Variants in NTNG1 observed in about 807,000 individuals in gnomAD.
The protein encoded by NTNG1 is netrin G1.
Under a neutral mutation model 54.0 loss-of-function variants are expected in NTNG1, and 16 were observed. That is an observed-to-expected ratio of 0.30 (90% CI 0.20 to 0.45). NTNG1 has a LOEUF of 0.45. NTNG1 is among the 20% of genes least tolerant of loss of function. The probability of loss-of-function intolerance (pLI) is 1.00; values close to 1 mark genes in which losing one functional copy is unlikely to be tolerated. For missense variants in NTNG1, 530 were observed against 678.7 expected, an observed-to-expected ratio of 0.78 and a Z score of 2.43; for synonymous variants, 255 against 263.1, an observed-to-expected ratio of 0.97 and a Z score of 0.30.
Position 107,150,970 on chromosome 1 carries a change from T to C in NTNG1, c.246+2131T>C, listed in dbSNP as rs540070165. 5.9e-5 allele frequency among the ~76,000 whole-genome samples: 9 copies of C among 152,314 alleles called. No homozygotes were observed. The East Asian group carries it at 1.7e-3, about 29-fold the overall frequency. ...AATGTGTATACTATGTATGTTCACA[T>C]GAAACTCCGTAGGACAGTCTTTAAA... On this transcript the variant is annotated intron_variant, in intron 2 of 7. Coordinates refer to ENST00000370068, the MANE Select transcript of NTNG1 (RefSeq NM_001113226.3).
chr1:107,422,701 C>T (rs1674652311), intron 5 of NTNG1, among the ~76,000 whole-genome samples: 1 of 152,050 alleles, frequency 6.6e-6, no homozygotes, highest in Admixed American at 6.6e-5. Context: ...TCTTAGAGTT[C>T]CAACTCCTTC....
chr1:107,310,985 C>T (rs17018746), intron 2 of NTNG1, among the ~76,000 whole-genome samples: 7 of 152,050 alleles, frequency 4.6e-5, no homozygotes, highest in South Asian at 2.1e-4. Flanking sequence ...GAATCAACCT[C>T]GGAACTCAGG....
chr1:107,248,470 G>C (rs912753272), intron 2 of NTNG1, among the ~76,000 whole-genome samples: 1 of 152,178 alleles, frequency 6.6e-6, no homozygotes, highest in African/African-American at 2.4e-5. Flanking sequence ...ACAGACATGA[G>C]AGGTAACAAG....
chr1:107,287,401 C>T (rs532629577), intron 2 of NTNG1, among the ~76,000 whole-genome samples: 6 of 152,226 alleles, frequency 3.9e-5, no homozygotes, highest in African/African-American at 1.4e-4. Flanking sequence ...TTTTTTGGAG[C>T]GTTAGCCTTC....
intron 2 of NTNG1, among the ~76,000 whole-genome samples, chr1:107,215,970 G>A (rs919527694): frequency 6.6e-6 from 1 of 152,000 alleles, no homozygotes; most frequent in African/African-American, 2.4e-5. Flanking sequence ...TGTATAGCAC[G>A]GCTACTGATT....
chr1:107,334,247 A>G (rs1204484072), intron 3 of NTNG1, among the ~76,000 whole-genome samples: 5 of 152,160 alleles, frequency 3.3e-5, no homozygotes, highest in African/African-American at 1.2e-4. Flanking sequence ...AGGACTGTTA[A>G]TGAATAACAA....
chr1:107,309,971 G>C (rs1666907602), intron 2 of NTNG1, among the ~76,000 whole-genome samples: 1 of 152,112 alleles, frequency 6.6e-6, no homozygotes, highest in Admixed American at 6.6e-5. Context: ...TTGGACCTTA[G>C]TTTATTCATA....
chr1:107,159,473 T>C (rs1655253683), intron 2 of NTNG1, among the ~76,000 whole-genome samples: 1 of 152,184 alleles, frequency 6.6e-6, no homozygotes, highest in Non-Finnish European at 1.5e-5. Context: ...TGCACTGTAC[T>C]GAAAGCTTGG....
At chr1:107,193,228 C>G (rs1044842883) in intron 2 of NTNG1, among the ~76,000 whole-genome samples, 2 of 151,978 alleles carry the variant, frequency 1.3e-5, no homozygotes. Context: ...TCTCAATACT[C>G]TCATATTTTT....
chr1:107,325,135 A>C (rs1667878535), intron 3 of NTNG1, among the ~76,000 whole-genome samples: 1 of 152,152 alleles, frequency 6.6e-6, no homozygotes, highest in South Asian at 2.1e-4. Context: ...ACCTGGCATG[A>C]TTCTTCAGAA....
At chr1:107,353,784 T>C (rs1669773118) in intron 3 of NTNG1, among the ~76,000 whole-genome samples, 1 of 152,150 alleles carries the variant, frequency 6.6e-6, no homozygotes, top group Non-Finnish European at 1.5e-5. Context: ...CTGGCTTATG[T>C]TTCCACAGGC....
chr1:107,480,345 CT>C (rs1409140218), intron 7 of NTNG1, among the ~76,000 whole-genome samples: 3 of 152,104 alleles, frequency 2.0e-5, no homozygotes, highest in African/African-American at 7.2e-5. Flanking sequence ...ACTTTGTATT[CT>C]ATAGCCTGAA....
intron 2 of NTNG1, among the ~76,000 whole-genome samples, chr1:107,290,217 G>T (rs1279188306): frequency 6.6e-6 from 1 of 152,050 alleles, no homozygotes; most frequent in Non-Finnish European, 1.5e-5. Flanking sequence ...ACCACTTAAG[G>T]GTATACATAC....
chr1:107,290,979 A>AT (rs1232079997), intron 2 of NTNG1, among the ~76,000 whole-genome samples: 345 of 146,118 alleles, frequency 2.4e-3, no homozygotes, highest in African/African-American at 8.6e-3. Flanking sequence ...ATATATATAT[A>AT]TATATACACA....
At chr1:107,294,886 A>G (rs746649651) in intron 2 of NTNG1, among the ~76,000 whole-genome samples, 15 of 152,182 alleles carry the variant, frequency 9.9e-5, no homozygotes, top group Middle Eastern at 3.2e-3. Context: ...AGGGTGTTGC[A>G]ACATATAAAA....
chr1:107,463,372 T>G (rs1042051117), intron 7 of NTNG1, among the ~76,000 whole-genome samples: 2 of 152,256 alleles, frequency 1.3e-5, no homozygotes, highest in Non-Finnish European at 2.9e-5. Context: ...GTTAACATTG[T>G]AAACTCAATC....
At chr1:107,150,208 C>T (rs554093603) in intron 2 of NTNG1, among the ~76,000 whole-genome samples, 2 of 152,154 alleles carry the variant, frequency 1.3e-5, no homozygotes, top group South Asian at 2.1e-4. Flanking sequence ...AGAGAGGACC[C>T]GTCTCTATGG....
intron 7 of NTNG1, among the ~76,000 whole-genome samples, chr1:107,470,751 C>G (rs1677928057): frequency 6.6e-6 from 1 of 152,210 alleles, no homozygotes; most frequent in South Asian, 2.1e-4. Flanking sequence ...TGTGACTTCT[C>G]AGCACCATTT....
At chr1:107,302,081 T>C (rs1377420691) in intron 2 of NTNG1, among the ~76,000 whole-genome samples, 1 of 152,172 alleles carries the variant, frequency 6.6e-6, no homozygotes, top group Non-Finnish European at 1.5e-5. Flanking sequence ...TTTCCCTTAT[T>C]TCCTAGGACC....
Sources: allele counts gnomAD v4.1 joint callset (sites outside exome capture counted in the v4.1 genomes callset), GRCh38; gene constraint gnomAD v4.1.1; transcripts MANE v1.5; gene names NCBI Gene and HGNC (gene_info 2026-07-23, HGNC 2026-07-21).